The following GALNT18 variants were observed in gnomAD, a reference collection of about 807,000 sequenced individuals.
The protein encoded by GALNT18 is polypeptide N-acetylgalactosaminyltransferase 18.
GALNT18 carries 44 observed loss-of-function variants against 69.5 expected under a neutral mutation model. That is an observed-to-expected ratio of 0.63 (90% confidence interval 0.50 to 0.81). GALNT18 has a LOEUF of 0.81. Among genes scored for constraint, GALNT18 ranks in the 40% least tolerant of loss-of-function variants. The pLI, the probability that GALNT18 is intolerant of heterozygous loss-of-function variation, is 0.00. For synonymous variants in GALNT18, 364 were observed against 318.2 expected (o/e 1.14, Z -1.53); for missense variants, 715 against 810.0 (o/e 0.88, Z 1.42).
intron 1 of GALNT18, among the ~76,000 whole-genome samples, chr11:11,481,537 A>C (rs1856530928): frequency 6.6e-6 from 1 of 152,218 alleles, no homozygotes; most frequent in South Asian, 2.1e-4. Context: ...CCAAGGGACA[A>C]GGGAACTAGG....
intron 10 of GALNT18, among the ~76,000 whole-genome samples, chr11:11,281,583 C>T (rs1849076253): frequency 6.6e-6 from 1 of 152,192 alleles, no homozygotes; most frequent in Admixed American, 6.5e-5. Context: ...GCACAGAAGA[C>T]ACCACAGCCC....
At chr11:11,303,692 A>G (rs1343184742) in intron 9 of GALNT18, among the ~76,000 whole-genome samples, 1 of 152,186 alleles carries the variant, frequency 6.6e-6, no homozygotes, top group African/African-American at 2.4e-5. Flanking sequence ...CTTTCAGTGC[A>G]GCAGCCATGA....
At chr11:11,394,978 C>T (rs975428022) in intron 3 of GALNT18, among the ~76,000 whole-genome samples, 20 of 152,228 alleles carry the variant, frequency 1.3e-4, no homozygotes, top group Middle Eastern at 3.2e-3. Context: ...CTGTTAGGGA[C>T]CCAGTCTGAA....
rs184225625 is a variant in GALNT18, at chr11:11,375,908, A to G, written c.977+1274T>C. Among the ~76,000 whole-genome samples the G allele has an allele frequency of 2.3e-3, 357 of 152,314 alleles. 5 individuals carry two copies. The highest frequency in any genetic ancestry group is 0.011 in the Admixed American group (163 of 15,292). On this transcript the variant is annotated intron_variant, in intron 5 of 10. Coordinates refer to ENST00000227756, the MANE Select transcript of GALNT18 (RefSeq NM_198516.3). ...GCAAGGAAAAATGTGATCTTAAGTAATAATCCCTGACTTTCAATTAAATTT... is the reference window on the plus strand; with the variant it reads ...GCAAGGAAAAATGTGATCTTAAGTAGTAATCCCTGACTTTCAATTAAATTT...
intron 3 of GALNT18, among the ~76,000 whole-genome samples, chr11:11,400,258 A>G (rs990922195): frequency 6.6e-6 from 1 of 152,206 alleles, no homozygotes; most frequent in Non-Finnish European, 1.5e-5. Context: ...AAACCCACCC[A>G]GCTAAGACAC....
rs1196746088 is a variant in GALNT18 at position 11,365,017 on chromosome 11, TA to T, written c.1092+7497del. On this transcript the variant is annotated intron_variant, in intron 6 of 10. Transcript: ENST00000227756. ...TAAAGAGTTTTTTCTCTTTTTTCCTTAATTTTTTTTTCATTATTTCTTCTAA... is the reference window on the plus strand; with the variant it reads ...TAAAGAGTTTTTTCTCTTTTTTCCTTATTTTTTTTTCATTATTTCTTCTAA... Among the ~76,000 whole-genome samples the T allele has an allele frequency of 1.3e-3, 4 of 3,162 alleles. No homozygotes were observed. The Admixed American group carries it at 0.014, about 11-fold the overall frequency. 2.1% of individuals were successfully genotyped at this position (3,162 alleles called of 152,430 possible).
intron 3 of GALNT18, among the ~76,000 whole-genome samples, chr11:11,412,620 T>A (rs1263137227): frequency 6.6e-6 from 1 of 152,230 alleles, no homozygotes; most frequent in Non-Finnish European, 1.5e-5. Flanking sequence ...TGCCTTGCAG[T>A]TGGCCTGTGT....
intron 1 of GALNT18, among the ~76,000 whole-genome samples, chr11:11,539,182 T>C (rs1232978215): frequency 1.3e-5 from 2 of 152,200 alleles, no homozygotes; most frequent in Non-Finnish European, 2.9e-5. Context: ...AGATCTGATA[T>C]CCAAGGCTCC....
intron 9 of GALNT18, among the ~76,000 whole-genome samples, chr11:11,319,734 G>C (rs1453049696): frequency 1.3e-5 from 2 of 152,218 alleles, no homozygotes; most frequent in African/African-American, 4.8e-5. Flanking sequence ...TGATTGGGAA[G>C]AGTTTCCTCA....
At chr11:11,539,203 C>T (rs1857852675) in intron 1 of GALNT18, among the ~76,000 whole-genome samples, 1 of 152,234 alleles carries the variant, frequency 6.6e-6, no homozygotes, top group Admixed American at 6.5e-5. Context: ...CTCTCAAGGG[C>T]CCGGTGCCAG....
chr11:11,477,375 C>T (rs1252900038), intron 1 of GALNT18, among the ~76,000 whole-genome samples: 1 of 152,196 alleles, frequency 6.6e-6, no homozygotes, highest in African/African-American at 2.4e-5. Context: ...CTGCAGTCAC[C>T]TGGCCCAGCA....
In GALNT18 at chr11:11,332,920, A is replaced by G. The variant is rs1850044721; in HGVS notation, c.1279-89T>C. 4.1e-6 allele frequency: 6 copies of G among 1,448,004 alleles called. No individual in the cohort carries two copies. Among genetic ancestry groups the G allele is most frequent in the Non-Finnish European group, 5.7e-6 (6 of 1,048,266 alleles). 89.7% of individuals were successfully genotyped at this position (1,448,004 alleles called of 1,614,324 possible). A position where few individuals can be genotyped will look rare whatever the true frequency, so the allele number is the denominator to read the frequency against. On this transcript the variant is annotated intron_variant, in intron 7 of 10. Transcript: ENST00000227756. This position sits in a 1 kb window ranked among gnomAD's most constrained non-coding sequence, Gnocchi z 4.3. ...ACTTTGGCATGACCTTGTGCCCCCA[A>G]CAAGATTCCTAGAGACTGGGGAAGG...
chr11:11,552,685 T>C (rs1858227770), intron 1 of GALNT18, among the ~76,000 whole-genome samples: 1 of 152,176 alleles, frequency 6.6e-6, no homozygotes, highest in South Asian at 2.1e-4. Flanking sequence ...AAAGCAGGGA[T>C]ATACTGTGAC....
chr11:11,301,963 T>C (rs560116037), intron 9 of GALNT18, among the ~76,000 whole-genome samples: 2 of 152,212 alleles, frequency 1.3e-5, no homozygotes, highest in South Asian at 4.2e-4. Context: ...GGGCTGTCAG[T>C]GAGTAATGAG....
At chr11:11,287,988 A>C (rs1313753706) in intron 10 of GALNT18, among the ~76,000 whole-genome samples, 1 of 152,130 alleles carries the variant, frequency 6.6e-6, no homozygotes, top group East Asian at 1.9e-4. Flanking sequence ...CCCTGTGGCA[A>C]CCAAGTCCTC....
intron 1 of GALNT18, among the ~76,000 whole-genome samples, chr11:11,611,722 G>C (rs1859906620): frequency 6.6e-6 from 1 of 152,126 alleles, no homozygotes; most frequent in Admixed American, 6.5e-5. Context: ...CCGGTGCCTG[G>C]GACATTTTGG....
chr11:11,319,474 AGGAGCAATTT>A (rs1461583232), intron 9 of GALNT18, among the ~76,000 whole-genome samples: 3 of 152,244 alleles, frequency 2.0e-5, no homozygotes, highest in Non-Finnish European at 2.9e-5. Flanking sequence ...TTCATAAAAA[AGGAGCAATTT>A]GGACACAGAC....
Position 11,621,534 on chromosome 11 carries a change from C to A in GALNT18, c.60G>T (p.Met20Ile), listed in dbSNP as rs779730098. The change falls in exon 1 of 11, where the codon ATG (methionine) becomes ATT (isoleucine). Residue 20 changes from methionine (M) to isoleucine (I), a missense_variant. By Grantham distance (10) the Met-to-Ile change is conservative. Transcript: ENST00000227756. The surrounding 1 kb of genome is among the most constrained non-coding windows in gnomAD (Gnocchi z 9.3). ...CGTAGAGCAGGCAGATGATGTTAGT[C>A]ATGCCGCTCAGGATCACGCAAGTGG... ...LVSTCVILSG[M>I]TNIICLLYVG... 1 of 1,614,066 alleles carries A rather than the reference C, an allele frequency of 6.2e-7. No homozygotes were observed. Among genetic ancestry groups the A allele is most frequent in the Non-Finnish European group, 8.5e-7 (1 of 1,179,976 alleles).
At position 11,583,934 on chromosome 11, in the gene GALNT18, G is replaced by C. The variant is rs926265069; in HGVS notation, c.235+37425C>G. On this transcript the variant is annotated intron_variant, in intron 1 of 10. Coordinates refer to ENST00000227756, the MANE Select transcript of GALNT18 (RefSeq NM_198516.3). The surrounding 1 kb of genome is among the most constrained non-coding windows in gnomAD (Gnocchi z 4.7). ...AATTATGGTCTTAGACAAGTCAACGGCTCCCCACAAGATGAAAGCACAAGG... is the reference window on the plus strand; with the variant it reads ...AATTATGGTCTTAGACAAGTCAACGCCTCCCCACAAGATGAAAGCACAAGG... Among the ~76,000 whole-genome samples the C allele has an allele frequency of 2.0e-5, 3 of 151,984 alleles. No homozygotes were observed. Among genetic ancestry groups the C allele is most frequent in the Non-Finnish European group, 4.4e-5 (3 of 67,988 alleles).
Sources: allele counts gnomAD v4.1 joint callset (sites outside exome capture counted in the v4.1 genomes callset), GRCh38; gene constraint gnomAD v4.1.1; non-coding constraint Gnocchi (gnomAD v3.1); transcripts MANE v1.5; gene names NCBI Gene and HGNC (gene_info 2026-07-23, HGNC 2026-07-21).